Variants in PPP1R9A observed in about 807,000 individuals in gnomAD.
PPP1R9A encodes protein phosphatase 1 regulatory subunit 9A, also known as neurabin-1.
Under a neutral mutation model 141.9 loss-of-function variants are expected in PPP1R9A, and 59 were observed. The ratio of observed to expected loss-of-function variants is 0.42; its 90% CI spans 0.34 to 0.52. PPP1R9A has a LOEUF of 0.52. Among genes scored for constraint, PPP1R9A ranks in the 20% least tolerant of loss-of-function variants. The pLI, the probability that PPP1R9A is intolerant of heterozygous loss-of-function variation, is 0.10. For synonymous variants in PPP1R9A, 500 were observed against 569.7 expected (o/e 0.88, Z 1.74); for missense variants, 1,444 against 1,611.9 (o/e 0.90, Z 1.78).
At chr7:95,253,309 A>G (rs1392160905) in intron 12 of PPP1R9A, among the ~76,000 whole-genome samples, 1 of 152,190 alleles carries the variant, frequency 6.6e-6, no homozygotes, top group Non-Finnish European at 1.5e-5. Context: ...GATCTTTCTC[A>G]CATATTAAAC....
At chr7:94,908,910 A>G (rs1157081527) in intron 1 of PPP1R9A, among the ~76,000 whole-genome samples, 1 of 152,182 alleles carries the variant, frequency 6.6e-6, no homozygotes, top group African/African-American at 2.4e-5. Context: ...GTGCCTCCTC[A>G]GCTGATTGTG....
intron 2 of PPP1R9A, among the ~76,000 whole-genome samples, chr7:94,992,251 CT>C (rs1316156307): frequency 7.2e-5 from 11 of 152,100 alleles, no homozygotes; most frequent in Non-Finnish European, 1.6e-4. Context: ...AGTATGTACT[CT>C]TTTTTAAATC....
chr7:95,152,091 A>G (rs771248169), intron 4 of PPP1R9A, among the ~76,000 whole-genome samples: 12 of 151,638 alleles, frequency 7.9e-5, no homozygotes, highest in Non-Finnish European at 1.8e-4. Flanking sequence ...AGCTGGGACT[A>G]CAGGTGCGTG....
intron 2 of PPP1R9A, among the ~76,000 whole-genome samples, chr7:95,078,575 G>C (rs2152263044): frequency 6.6e-6 from 1 of 152,274 alleles, no homozygotes; most frequent in East Asian, 1.9e-4. Context: ...CACAAGGGTT[G>C]AACTAGTTTA....
intron 7 of PPP1R9A, among the ~76,000 whole-genome samples, chr7:95,206,453 A>G (rs1790817592): frequency 6.6e-6 from 1 of 152,162 alleles, no homozygotes; most frequent in African/African-American, 2.4e-5. Context: ...TTAAATATTA[A>G]CTTTAATGAG....
intron 2 of PPP1R9A, among the ~76,000 whole-genome samples, chr7:94,914,259 A>G (rs923354719): frequency 3.3e-5 from 5 of 152,098 alleles, no homozygotes; most frequent in African/African-American, 9.7e-5. Context: ...GTTTTTTGTT[A>G]TAGATCTTAT....
At chr7:95,141,423 A>G (rs1826663061) in intron 4 of PPP1R9A, among the ~76,000 whole-genome samples, 1 of 152,184 alleles carries the variant, frequency 6.6e-6, no homozygotes, top group African/African-American at 2.4e-5. Context: ...TTCAAGAGTT[A>G]TATAACCATC....
intron 9 of PPP1R9A, among the ~76,000 whole-genome samples, chr7:95,247,861 CCTCTT>C (rs1321692609): frequency 1.3e-5 from 2 of 152,110 alleles, no homozygotes; most frequent in Non-Finnish European, 2.9e-5. Context: ...TACTATATCT[CCTCTT>C]CACTTACCTT....
At chr7:95,276,684 A>T (rs1211444330) in intron 16 of PPP1R9A, among the ~76,000 whole-genome samples, 2 of 152,246 alleles carry the variant, frequency 1.3e-5, no homozygotes, top group African/African-American at 4.8e-5. Flanking sequence ...CCCAAAAAAA[A>T]TAAAATCATA....
chr7:95,159,827 G>T (rs535046734), intron 4 of PPP1R9A, among the ~76,000 whole-genome samples: 42 of 151,626 alleles, frequency 2.8e-4, no homozygotes, highest in African/African-American at 8.7e-4. Context: ...TCAGGAGGCT[G>T]AGGCAGGAGA....
intron 2 of PPP1R9A, among the ~76,000 whole-genome samples, chr7:94,933,114 C>T (rs1346692184): frequency 6.6e-6 from 1 of 151,886 alleles, no homozygotes; most frequent in East Asian, 1.9e-4. Flanking sequence ...AGCGTCCTAT[C>T]ATCATGTAGG....
intron 5 of PPP1R9A, among the ~76,000 whole-genome samples, chr7:95,188,792 T>A (rs1049480828): frequency 1.3e-5 from 2 of 151,992 alleles, no homozygotes; most frequent in Non-Finnish European, 1.5e-5. Context: ...AGAGATAGGG[T>A]TTTACCATCT....
At chr7:95,155,596 C>T (rs1378748681) in intron 4 of PPP1R9A, 1 of 152,002 alleles carries the variant, frequency 6.6e-6, no homozygotes, top group East Asian at 1.9e-4. Context: ...CTTTATGAAC[C>T]CACTTTAGTG....
At chr7:95,103,396 T>C (rs1819074951) in intron 2 of PPP1R9A, among the ~76,000 whole-genome samples, 2 of 133,070 alleles carry the variant, frequency 1.5e-5, no homozygotes, top group African/African-American at 5.7e-5. Flanking sequence ...AGTCTCGCTC[T>C]GTTGCCCAGG....
chr7:94,948,675 T>C (rs1796141499), intron 2 of PPP1R9A, among the ~76,000 whole-genome samples: 1 of 152,152 alleles, frequency 6.6e-6, no homozygotes, highest in South Asian at 2.1e-4. Flanking sequence ...CCAAGCATAA[T>C]TTTGAAGTAA....
intron 4 of PPP1R9A, among the ~76,000 whole-genome samples, chr7:95,125,951 C>A (rs992983995): frequency 2.0e-5 from 3 of 152,114 alleles, no homozygotes; most frequent in Admixed American, 2.0e-4. Flanking sequence ...AAGTACCCTT[C>A]AGCCTAAGAG....
intron 2 of PPP1R9A, among the ~76,000 whole-genome samples, chr7:95,094,123 A>G (rs1196801013): frequency 6.6e-6 from 1 of 152,208 alleles, no homozygotes; most frequent in East Asian, 1.9e-4. Flanking sequence ...TAGCAAACAT[A>G]TAACAAAATA....
chr7:94,976,722 A>G (rs190809327), intron 2 of PPP1R9A, among the ~76,000 whole-genome samples: 189 of 152,182 alleles, frequency 1.2e-3, no homozygotes, highest in Middle Eastern at 3.4e-3. Flanking sequence ...GCCTCAGGGA[A>G]TGTTTTACTT....
At position 95,078,139 on chromosome 7, in the gene PPP1R9A, C is replaced by T. The variant is rs1233594877; in HGVS notation, c.1396-33120C>T. Reference sequence around the variant, plus strand: ...AAGCTATCCCTCCCCCCTCCCCCCACCCCACATCAGTCCCCAGAGTGTGAT... The same window carrying T: ...AAGCTATCCCTCCCCCCTCCCCCCATCCCACATCAGTCCCCAGAGTGTGAT... On this transcript the variant is annotated intron_variant, in intron 2 of 19. Coordinates refer to ENST00000433360, the MANE Select transcript of PPP1R9A (RefSeq NM_001166160.2). Among the ~76,000 whole-genome samples the T allele has an allele frequency of 2.7e-5, 3 of 112,918 alleles. No homozygotes were observed. The East Asian group carries it at 9.0e-4, about 34-fold the overall frequency. The allele number at this position is 112,918 out of a possible 152,430, so 74.1% of individuals were successfully genotyped here.
Sources: gnomAD v4.1 joint callset for allele counts (sites outside exome capture counted in the v4.1 genomes callset) on GRCh38, gnomAD v4.1.1 for gene constraint, MANE v1.5 for transcripts, NCBI Gene and HGNC (gene_info 2026-07-23, HGNC 2026-07-21) for gene names.